TTC7A: variants seen among roughly 807,000 people sequenced by gnomAD.
The protein encoded by TTC7A is tetratricopeptide repeat domain 7A, also known as tetratricopeptide repeat protein 7A.
A neutral mutation model predicts 103.7 loss-of-function variants in TTC7A; 110 were observed. The observed-to-expected ratio is 1.06, with a 90% confidence interval of 0.91 to 1.24. The LOEUF is 1.24. Ranked by LOEUF, TTC7A falls within the 50% of genes most tolerant of loss-of-function variation. The pLI is 0.00. For synonymous variants in TTC7A, 521 were observed against 467.9 expected (o/e 1.11, Z -1.47); for missense variants, 1,340 against 1,116.3 (o/e 1.20, Z -2.86).
intron 8 of TTC7A, among the ~76,000 whole-genome samples, chr2:46,998,535 G>A (rs939154981): frequency 6.6e-6 from 1 of 152,214 alleles, no homozygotes; most frequent in African/African-American, 2.4e-5. Context: ...CCGCTTTGAT[G>A]TTGGCTGGGT....
upstream of TTC7A, among the ~76,000 whole-genome samples, chr2:46,936,407 T>C (rs532731829): frequency 6.6e-6 from 1 of 152,116 alleles, no homozygotes; most frequent in Non-Finnish European, 1.5e-5. Flanking sequence ...TTCTCAGACG[T>C]GTCTTATTTT....
chr2:47,008,053 G>A (rs757802102), intron 10 of TTC7A, among the ~76,000 whole-genome samples: 3 of 152,210 alleles, frequency 2.0e-5, no homozygotes, highest in Non-Finnish European at 2.9e-5. Context: ...TGAAGGCACC[G>A]GTCAGCCTGG....
chr2:47,019,785 C>T (rs955099433), intron 11 of TTC7A, among the ~76,000 whole-genome samples: 1 of 152,058 alleles, frequency 6.6e-6, no homozygotes, highest in African/African-American at 2.4e-5. Flanking sequence ...CAGCGGGTGT[C>T]TGGATTCTTT....
intron 8 of TTC7A, among the ~76,000 whole-genome samples, chr2:46,997,805 T>A (rs1442804896): frequency 1.3e-5 from 2 of 152,150 alleles, no homozygotes; most frequent in Non-Finnish European, 2.9e-5. Flanking sequence ...GGAGTGAAGC[T>A]GAGCTCTGTC....
intron 5 of TTC7A, among the ~76,000 whole-genome samples, chr2:46,983,615 C>G (rs571137434): frequency 1.3e-5 from 2 of 152,194 alleles, no homozygotes; most frequent in Non-Finnish European, 2.9e-5. Flanking sequence ...TTATGAAGCC[C>G]GGCACGGACC....
intron 3 of TTC7A, 57 bp downstream of exon 3, chr2:46,957,064 G>A: frequency 6.2e-7 from 1 of 1,604,416 alleles, no homozygotes; most frequent in East Asian, 2.2e-5. Context: ...GTTGCACTCT[G>A]ACTCCCAGGG....
At position 47,029,347 on chromosome 2, in the gene TTC7A, G is replaced by A. The variant is rs750277808; in HGVS notation, c.1765G>A (p.Val589Ile). The A allele has an allele frequency of 5.6e-6, 9 of 1,614,008 alleles. No individual in the cohort carries two copies. Among genetic ancestry groups the A allele is most frequent in the Non-Finnish European group, 7.6e-6 (9 of 1,180,034 alleles). Residue 589 changes from valine to isoleucine, a missense_variant, in exon 15 of 20, where the codon GTC becomes ATC. Transcript: ENST00000319190. ...GCACCACCAGCATGCCCTGGATGTTGTCAACATGGCCATCACCGAGCACCC... is the reference window on the plus strand; with the variant it reads ...GCACCACCAGCATGCCCTGGATGTTATCAACATGGCCATCACCGAGCACCC... Reference protein sequence around the residue: ...QKHHQHALDVVNMAITEHPEN... With the variant: ...QKHHQHALDVINMAITEHPEN...
chr2:46,976,199 A>G (rs565278559), intron 4 of TTC7A, among the ~76,000 whole-genome samples: 105 of 152,346 alleles, frequency 6.9e-4, no homozygotes, highest in African/African-American at 2.5e-3. Context: ...TCTATAATTT[A>G]ACCCTCACAC....
At chr2:47,021,232 C>G (rs1679242205) in intron 11 of TTC7A, among the ~76,000 whole-genome samples, 1 of 152,208 alleles carries the variant, frequency 6.6e-6, no homozygotes, top group Non-Finnish European at 1.5e-5. Context: ...AGGCCCCTGG[C>G]TATCCCTTGC....
intron 14 of TTC7A, among the ~76,000 whole-genome samples, chr2:47,027,640 T>C (rs529758849): frequency 2.0e-5 from 3 of 152,324 alleles, no homozygotes; most frequent in South Asian, 2.1e-4. Context: ...TTCACAAATA[T>C]AGGACCCCTC....
intron 19 of TTC7A, among the ~76,000 whole-genome samples, chr2:47,066,457 G>A (rs900048832): frequency 6.6e-6 from 1 of 151,940 alleles, no homozygotes; most frequent in Admixed American, 6.6e-5. Context: ...AGGTGCTCTG[G>A]GACTCTAACA....
At position 47,049,482 on chromosome 2, in the gene TTC7A, C is replaced by T. The variant is rs529032788; in HGVS notation, c.1920-467C>T. Among the ~76,000 whole-genome samples, 11 of 152,186 alleles carry T rather than the reference C, an allele frequency of 7.2e-5. No homozygotes were observed. The South Asian group carries it at 2.3e-3, about 32-fold the overall frequency. ...GCCTCCGCTGGCTCTTCTGGGGACC[C>T]CCTGGCAGCCCAAGGAATGGAAGCC... is the stretch of plus-strand genomic sequence containing the variant. On this transcript the variant is annotated intron_variant, in intron 16 of 19. Coordinates refer to ENST00000319190, the MANE Select transcript of TTC7A (RefSeq NM_020458.4).
chr2:47,021,956 C>A lies in TTC7A; in HGVS notation c.1487C>A (p.Thr496Asn). 6.2e-7 allele frequency: 1 copy of A among 1,613,438 alleles called. No individual in the cohort carries two copies. The highest frequency in any genetic ancestry group is 8.5e-7 in the Non-Finnish European group (1 of 1,179,456). The part of the protein sequence containing the change: ...LPKGYLALGL[T>N]YSLQATDATL... ...AAGGGCTACCTGGCTCTGGGTCTCA[C>A]CTATAGCCTGCAGGCCACCGACGGT... Residue 496 changes from threonine (T) to asparagine (N), a missense_variant, in exon 12 of 20, where the codon ACC becomes AAC. Transcript: ENST00000319190.
chr2:46,965,482 A>C (rs1672752723), intron 3 of TTC7A, among the ~76,000 whole-genome samples: 1 of 151,856 alleles, frequency 6.6e-6, no homozygotes, highest in Admixed American at 6.6e-5. Context: ...ATCAGGCCTC[A>C]TCCAGCCAGA....
At chr2:46,980,962 C>T (rs1044049910) in intron 5 of TTC7A, among the ~76,000 whole-genome samples, 2 of 152,168 alleles carry the variant, frequency 1.3e-5, no homozygotes, top group Non-Finnish European at 2.9e-5. Context: ...GGAAGGCATG[C>T]GGAGCGTCCA....
At chr2:46,927,522 A>C (rs1428941062) in intron 2 of TTC7A, among the ~76,000 whole-genome samples, 1 of 151,798 alleles carries the variant, frequency 6.6e-6, no homozygotes, top group Non-Finnish European at 1.5e-5. Flanking sequence ...ACGCCCGGCT[A>C]ATTTTGTTTT....
rs763979902 is a variant in TTC7A, at chr2:46,993,421, C to G, written c.765-29C>G. 6 of 1,612,068 alleles carry G rather than the reference C, an allele frequency of 3.7e-6. No individual in the cohort carries two copies. In the Admixed American group the frequency reaches 5.0e-5, roughly 13 times the overall value. The stretch of plus-strand genomic sequence containing the variant: ...CCTTCTTTGCGAGCTAGGCTGGTAA[C>G]AAATCTACTTCTGCCGTCCTCCCAC... On this transcript the variant is annotated intron_variant, in intron 5 of 19. Transcript: ENST00000319190.
At chr2:46,959,730 T>C (rs1672208491) in intron 3 of TTC7A, among the ~76,000 whole-genome samples, 1 of 152,198 alleles carries the variant, frequency 6.6e-6, no homozygotes. Flanking sequence ...TGTGCCTCTG[T>C]GTGTTACACC....
chr2:46,957,025 C>T lies in TTC7A; in HGVS notation c.517+18C>T. ...CATCAAAGGTAGCTGTGGGCACCAG[C>T]CTGGGCTCCCCTCCACTGTGTGCAG... On this transcript the variant is annotated intron_variant, in intron 3 of 19. Transcript: ENST00000319190. 1 of 1,613,992 alleles carries T rather than the reference C, an allele frequency of 6.2e-7. No homozygotes were observed. Among genetic ancestry groups the T allele is most frequent in the Non-Finnish European group, 8.5e-7 (1 of 1,179,912 alleles).
Sources: gnomAD v4.1 joint callset for allele counts (sites outside exome capture counted in the v4.1 genomes callset) on GRCh38, gnomAD v4.1.1 for gene constraint, MANE v1.5 for transcripts, NCBI Gene and HGNC (gene_info 2026-07-23, HGNC 2026-07-21) for gene names.